Variants in MSR1 observed in about 807,000 individuals in gnomAD.
The protein encoded by MSR1 is macrophage scavenger receptor 1, also known as macrophage scavenger receptor types I and II.
MSR1 carries 53 observed loss-of-function variants against 47.2 expected under a neutral mutation model. That is an observed-to-expected ratio of 1.12 (90% confidence interval 0.90 to 1.41). The LOEUF (loss-of-function observed/expected upper bound fraction) is 1.41. Ranked by LOEUF, MSR1 falls within the 40% of genes most tolerant of loss-of-function variation. The pLI, the probability that MSR1 is intolerant of heterozygous loss-of-function variation, is 0.00. For synonymous variants in MSR1, 239 were observed against 185.6 expected, an observed-to-expected ratio of 1.29 and a Z score of -2.34; for missense variants, 786 against 546.9, an observed-to-expected ratio of 1.44 and a Z score of -4.36.
intron 8 of MSR1, among the ~76,000 whole-genome samples, chr8:16,127,062 G>A (rs942401230): frequency 6.6e-6 from 1 of 151,956 alleles, no homozygotes; most frequent in African/African-American, 2.4e-5. Context: ...CTAATGATGG[G>A]GAATAGGTGA....
chr8:16,186,422 C>G, intron 1 of MSR1: 2 of 511,214 alleles, frequency 3.9e-6, no homozygotes, highest in African/African-American at 3.8e-5. Context: ...ACTACAAACC[C>G]ATATATGCAC....
At chr8:16,128,401 C>A in intron 8 of MSR1, among the ~76,000 whole-genome samples, 1 of 152,136 alleles carries the variant, frequency 6.6e-6, no homozygotes, top group Admixed American at 6.5e-5. Context: ...GAGATAAAGA[C>A]ACCAGGAGCT....
chr8:16,134,703 C>T (rs1037362916), intron 8 of MSR1, among the ~76,000 whole-genome samples: 4 of 151,984 alleles, frequency 2.6e-5, no homozygotes, highest in Admixed American at 6.6e-5. Flanking sequence ...GTGAGAAAGG[C>T]GGGTTGAAAG....
At chr8:16,180,921 G>A (rs546015445) in intron 1 of MSR1, among the ~76,000 whole-genome samples, 10 of 152,128 alleles carry the variant, frequency 6.6e-5, no homozygotes, top group African/African-American at 2.2e-4. Context: ...GGAATGAAGG[G>A]AGGTAGGCAT....
At chr8:16,148,575 G>T (rs142392970) in intron 7 of MSR1, among the ~76,000 whole-genome samples, 1 of 151,952 alleles carries the variant, frequency 6.6e-6, no homozygotes, top group Non-Finnish European at 1.5e-5. Flanking sequence ...TCCCACCTCA[G>T]CCTCCTGAAT....
At chr8:16,140,773 GGTGGAGTAA>G in intron 8 of MSR1, 1 of 1,450,546 alleles carries the variant, frequency 6.9e-7, no homozygotes, top group Non-Finnish European at 9.0e-7. Context: ...GAGAGGTGAT[GGTGGAGTAA>G]TTGGAGTAAG....
At chr8:16,184,326 G>T (rs915848410) in intron 1 of MSR1, among the ~76,000 whole-genome samples, 4 of 151,988 alleles carry the variant, frequency 2.6e-5, no homozygotes, top group African/African-American at 4.8e-5. Flanking sequence ...AGGCTTTCAG[G>T]AAATAAAATG....
intron 1 of MSR1, among the ~76,000 whole-genome samples, chr8:16,187,006 G>A (rs1802019164): frequency 6.6e-6 from 1 of 151,892 alleles, no homozygotes; most frequent in Admixed American, 6.6e-5. Flanking sequence ...CTCTTAAAAA[G>A]TAAGGCAGAT....
intron 6 of MSR1, among the ~76,000 whole-genome samples, chr8:16,150,909 G>A (rs1029077690): frequency 6.7e-6 from 1 of 150,148 alleles, no homozygotes; most frequent in Non-Finnish European, 1.5e-5. Context: ...ATTTACTTAT[G>A]AGTATGTACT....
intron 8 of MSR1, among the ~76,000 whole-genome samples, chr8:16,141,817 TAAAA>T (rs1800564390): frequency 6.6e-6 from 1 of 151,576 alleles, no homozygotes; most frequent in African/African-American, 2.4e-5. Context: ...GTTTGCAGTG[TAAAA>T]ATAAAAAAAA....
At chr8:16,155,197 G>A in intron 5 of MSR1, 53 bp from the exon 6 acceptor site, 1 of 1,357,744 alleles carries the variant, frequency 7.4e-7, no homozygotes, top group Non-Finnish European at 1.0e-6. Context: ...GGAAAAATGG[G>A]TTAGTCATCT....
intron 9 of MSR1, among the ~76,000 whole-genome samples, chr8:16,111,248 C>A (rs1183340999): frequency 6.6e-6 from 1 of 151,966 alleles, no homozygotes; most frequent in Non-Finnish European, 1.5e-5. Flanking sequence ...AAGACTATTC[C>A]CATGTTAATA....
chr8:16,181,708 T>C (rs1456749330), intron 1 of MSR1, among the ~76,000 whole-genome samples: 1 of 151,838 alleles, frequency 6.6e-6, no homozygotes, highest in African/African-American at 2.4e-5. Flanking sequence ...AAATGATGGG[T>C]TGATGGGTGC....
chr8:16,187,794 C>T (rs1436101892), intron 1 of MSR1, among the ~76,000 whole-genome samples: 3 of 152,124 alleles, frequency 2.0e-5, no homozygotes, highest in African/African-American at 7.2e-5. Context: ...AAATATTTCT[C>T]TCTGCACTGC....
intron 9 of MSR1, among the ~76,000 whole-genome samples, chr8:16,117,190 C>G (rs1388774057): frequency 6.6e-6 from 1 of 152,070 alleles, no homozygotes; most frequent in Non-Finnish European, 1.5e-5. Flanking sequence ...CACATTACCG[C>G]CTGAGTGCCA....
At chr8:16,170,430 G>A (rs1801450843) in intron 3 of MSR1, among the ~76,000 whole-genome samples, 1 of 151,868 alleles carries the variant, frequency 6.6e-6, no homozygotes, top group Non-Finnish European at 1.5e-5. Context: ...AGTCATGGCT[G>A]AGGTTTTCTG....
chr8:16,117,378 A>G (rs922807214), intron 9 of MSR1, among the ~76,000 whole-genome samples: 2 of 152,174 alleles, frequency 1.3e-5, no homozygotes, highest in African/African-American at 4.8e-5. Flanking sequence ...AAAGATTAAC[A>G]TTAGCAGAGA....
Position 16,121,229 on chromosome 8 carries a change from G to A in MSR1, c.1034-623C>T, listed in dbSNP as rs35539158. ...TTCCTCTTTAGAAAAAAATATTAAC[G>A]AGATAAAAAATCAGACAATTTTGTT... On this transcript the variant is annotated intron_variant, in intron 8 of 9. Coordinates refer to ENST00000262101, the MANE Select transcript of MSR1 (RefSeq NM_138715.3). 6.6e-4 allele frequency: 257 copies of A among 389,996 alleles called. 4 individuals carry two copies. Among genetic ancestry groups the A allele is most frequent in the African/African-American group, 5.1e-3 (242 of 47,188 alleles). 24.2% of individuals were successfully genotyped at this position (389,996 alleles called of 1,614,324 possible).
intron 4 of MSR1, among the ~76,000 whole-genome samples, chr8:16,166,072 T>C (rs1345134507): frequency 6.6e-6 from 1 of 151,808 alleles, no homozygotes; most frequent in Non-Finnish European, 1.5e-5. Context: ...CAGCATAAAG[T>C]GTTAAGTGAC....
Sources: allele counts gnomAD v4.1 joint callset (sites outside exome capture counted in the v4.1 genomes callset), GRCh38; gene constraint gnomAD v4.1.1; transcripts MANE v1.5; gene names NCBI Gene and HGNC (gene_info 2026-07-23, HGNC 2026-07-21).